Variants in RARB observed in about 807,000 individuals in gnomAD.
RARB encodes the protein retinoic acid receptor beta, also known as HBV-activated protein.
In RARB, 17 loss-of-function variants were observed where a neutral mutation model predicts 51.9. The observed-to-expected ratio is 0.33, with a 90% CI of 0.22 to 0.49. The LOEUF is 0.49. Ranked by LOEUF, RARB falls within the 20% of genes least tolerant of loss-of-function variation. RARB has a pLI of 0.99. For synonymous variants in RARB, 215 were observed against 195.4 expected (o/e 1.10, Z -0.84); for missense variants, 369 against 550.8 (o/e 0.67, Z 3.30).
rs935283086 is a variant in RARB, at chr3:25,444,770, C to T, written c.157+15882C>T. 7.9e-5 allele frequency among the ~76,000 whole-genome samples: 12 copies of T among 152,096 alleles called. No homozygotes were observed. The South Asian group carries it at 1.0e-3, about 13-fold the overall frequency. ...ATCTCAAAATAAAAGAGGGTATGTG[C>T]AAGTGATAGGCAGGTGGTATTCACA... is the stretch of plus-strand genomic sequence containing the variant. On this transcript the variant is annotated intron_variant, in intron 1 of 7. Transcript: ENST00000330688.
chr3:25,347,616 G>A (rs1358789553), intron 5 of RARB, among the ~76,000 whole-genome samples: 3 of 152,182 alleles, frequency 2.0e-5, no homozygotes, highest in Non-Finnish European at 4.4e-5. Flanking sequence ...CAGCCAAAAG[G>A]CATGGAAAGG....
chr3:25,426,292 AAG>A (rs767130140), upstream of RARB, among the ~76,000 whole-genome samples: 1 of 152,254 alleles, frequency 6.6e-6, no homozygotes, highest in Non-Finnish European at 1.5e-5. Flanking sequence ...GGCCATATAA[AAG>A]AGAGAAGAGA....
At chr3:25,001,183 T>A in intron 2 of RARB, among the ~76,000 whole-genome samples, 1 of 152,122 alleles carries the variant, frequency 6.6e-6, no homozygotes, top group East Asian at 1.9e-4. Context: ...ACAGTTTTTC[T>A]ACTAACACTG....
intron 5 of RARB, among the ~76,000 whole-genome samples, chr3:25,264,089 T>C (rs1703069640): frequency 7.0e-6 from 1 of 142,748 alleles, no homozygotes; most frequent in Admixed American, 7.3e-5. Context: ...ATAATATATA[T>C]TTCCCACTTG....
intron 5 of RARB, among the ~76,000 whole-genome samples, chr3:25,311,316 G>A (rs112765632): frequency 2.6e-5 from 4 of 152,190 alleles, no homozygotes; most frequent in Non-Finnish European, 4.4e-5. Context: ...ATTCTGAACC[G>A]CCCTGTGTGG....
chr3:25,296,960 G>C lies in RARB; in HGVS notation c.178+122385G>C, dbSNP rs147733742. ...GCAGTCCGTGAGGCTCGTGGACTGA[G>C]AAGATTCCTAGAGACTTTGAGTTTT... On this transcript the variant is annotated intron_variant, in intron 5 of 11. Transcript: ENST00000383772. 1.6e-3 allele frequency among the ~76,000 whole-genome samples: 242 copies of C among 152,308 alleles called. 1 individual carries two copies. Among genetic ancestry groups the C allele is most frequent in the African/African-American group, 5.6e-3 (233 of 41,562 alleles).
intron 2 of RARB, among the ~76,000 whole-genome samples, chr3:25,485,982 G>A (rs1172841959): frequency 6.6e-6 from 1 of 152,212 alleles, no homozygotes; most frequent in African/African-American, 2.4e-5. Flanking sequence ...TTTCACTGAA[G>A]TGGGTTGCCA....
intron 4 of RARB, among the ~76,000 whole-genome samples, chr3:25,157,340 GTGTGTGTGTT>G (rs1559486102): frequency 8.3e-6 from 1 of 119,858 alleles, no homozygotes; most frequent in Non-Finnish European, 1.7e-5. Context: ...ACAGTTCTGA[GTGTGTGTGTT>G]TGTGTGTGTG....
At chr3:25,330,533 A>G (rs1175572659) in intron 5 of RARB, among the ~76,000 whole-genome samples, 2 of 152,212 alleles carry the variant, frequency 1.3e-5, no homozygotes, top group Non-Finnish European at 2.9e-5. Context: ...ATGGAAAGGA[A>G]CAACCAGTAC....
At position 25,293,761 on chromosome 3, in the gene RARB, T is replaced by G. The variant is rs79311549; in HGVS notation, c.178+119186T>G. 1.1e-3 allele frequency among the ~76,000 whole-genome samples: 173 copies of G among 152,236 alleles called. 1 individual carries two copies. Among genetic ancestry groups the G allele is most frequent in the African/African-American group, 3.9e-3 (164 of 41,560 alleles). On this transcript the variant is annotated intron_variant, in intron 5 of 11. Coordinates refer to the RARB transcript ENST00000383772. ...AGGAGTTCTGGCTAAAAAGGTGGTATGTGTTTGTCTTCTGCCTGTTCTCTG... is the reference window on the plus strand; with the variant it reads ...AGGAGTTCTGGCTAAAAAGGTGGTAGGTGTTTGTCTTCTGCCTGTTCTCTG...
chr3:25,000,136 CCAGT>C (rs1697128908), intron 2 of RARB, among the ~76,000 whole-genome samples: 1 of 152,008 alleles, frequency 6.6e-6, no homozygotes, highest in South Asian at 2.1e-4. Flanking sequence ...AGGATGATGA[CCAGT>C]CAAACGACAG....
At chr3:25,392,691 G>T (rs969216048) in intron 5 of RARB, among the ~76,000 whole-genome samples, 1 of 151,816 alleles carries the variant, frequency 6.6e-6, no homozygotes, top group Non-Finnish European at 1.5e-5. Context: ...TCTCAGCTTG[G>T]TCACTGTAGA....
chr3:25,113,246 T>C (rs1559470999), intron 3 of RARB, among the ~76,000 whole-genome samples: 1 of 152,174 alleles, frequency 6.6e-6, no homozygotes, highest in African/African-American at 2.4e-5. Flanking sequence ...TGCATTTTCT[T>C]CAGGAATTCT....
At chr3:25,202,510 C>T (rs1412245443) in intron 5 of RARB, among the ~76,000 whole-genome samples, 3 of 152,214 alleles carry the variant, frequency 2.0e-5, no homozygotes, top group African/African-American at 7.2e-5. Context: ...CTTCTCAGTT[C>T]TTTTAATTGT....
intron 5 of RARB, chr3:25,352,447 G>T (rs536112250): frequency 2.0e-5 from 3 of 152,268 alleles, no homozygotes; most frequent in East Asian, 3.9e-4. Flanking sequence ...GATAATGGGA[G>T]TCTACCAGAA....
At chr3:24,926,472 A>G (rs1353540803) in intron 2 of RARB, among the ~76,000 whole-genome samples, 1 of 152,098 alleles carries the variant, frequency 6.6e-6, no homozygotes, top group Non-Finnish European at 1.5e-5. Context: ...ATCTGAGTTG[A>G]GAAGTGGAAC....
At chr3:24,953,297 A>T (rs1695939277) in intron 2 of RARB, among the ~76,000 whole-genome samples, 1 of 152,212 alleles carries the variant, frequency 6.6e-6, no homozygotes, top group African/African-American at 2.4e-5. Context: ...ATGCATATTC[A>T]AAAGGAGATC....
chr3:25,104,088 T>C lies in RARB; in HGVS notation c.-327-28073T>C, dbSNP rs183856589. ...TACTGTCTCAGGAGTCTGTAAAATA[T>C]ATATTTATTTGAAAATATATCAAAA... On this transcript the variant is annotated intron_variant, in intron 3 of 11. Transcript: ENST00000383772. 4.6e-5 allele frequency among the ~76,000 whole-genome samples: 7 copies of C among 152,316 alleles called. No individual in the cohort carries two copies. In the East Asian group the frequency reaches 1.4e-3, roughly 29 times the overall value.
intron 5 of RARB, among the ~76,000 whole-genome samples, chr3:25,284,885 G>C (rs945886654): frequency 6.6e-6 from 1 of 152,156 alleles, no homozygotes; most frequent in Non-Finnish European, 1.5e-5. Flanking sequence ...CTGCAGACTT[G>C]AGTCTGCACA....
Sources: gnomAD v4.1 joint callset for allele counts (sites outside exome capture counted in the v4.1 genomes callset) on GRCh38, gnomAD v4.1.1 for gene constraint, MANE v1.5 for transcripts, NCBI Gene and HGNC (gene_info 2026-07-23, HGNC 2026-07-21) for gene names.